ANKRD11: variants seen among roughly 807,000 people sequenced by gnomAD.
ANKRD11 encodes the protein ankyrin repeat domain 11.
ANKRD11 carries 17 observed loss-of-function variants against 195.7 expected under a neutral mutation model. That is an observed-to-expected ratio of 0.09 (90% CI 0.06 to 0.13). ANKRD11 has a LOEUF of 0.13. Ranked by LOEUF, ANKRD11 falls within the 10% of genes least tolerant of loss-of-function variation. The pLI is 1.00. For missense variants in ANKRD11, 3,735 were observed against 3,566.1 expected, an observed-to-expected ratio of 1.05 and a Z score of -1.21; for synonymous variants, 1,953 against 1,528.1, an observed-to-expected ratio of 1.28 and a Z score of -6.49.
At chr16:89,430,537 G>C (rs1366697975) in intron 1 of ANKRD11, among the ~76,000 whole-genome samples, 3 of 151,810 alleles carry the variant, frequency 2.0e-5, no homozygotes, top group South Asian at 2.1e-4. Flanking sequence ...CTCACGCTCA[G>C]ACGTTCTAGT....
intron 4 of ANKRD11, chr16:89,301,329 T>C (rs1487445004): frequency 7.8e-6 from 3 of 386,684 alleles, no homozygotes; most frequent in Non-Finnish European, 1.4e-5. Flanking sequence ...AGTAGTATCA[T>C]TTGAAGCAAA....
intron 2 of ANKRD11, among the ~76,000 whole-genome samples, chr16:89,383,170 G>A (rs1474187753): frequency 6.6e-6 from 1 of 152,350 alleles, no homozygotes; most frequent in Non-Finnish European, 1.5e-5. Context: ...CTGTGCTGCT[G>A]AGTAAAGGGA....
chr16:89,388,638 G>A (rs1385581723), intron 2 of ANKRD11, among the ~76,000 whole-genome samples: 2 of 152,182 alleles, frequency 1.3e-5, no homozygotes, highest in African/African-American at 4.8e-5. Flanking sequence ...GCTGAAGGAG[G>A]CTGCATAGAG....
chr16:89,452,362 G>C (rs1013525148), intron 1 of ANKRD11, among the ~76,000 whole-genome samples: 5 of 152,170 alleles, frequency 3.3e-5, no homozygotes, highest in Admixed American at 3.3e-4. Context: ...GGGCAAGGTA[G>C]GGAGGACCAA....
chr16:89,353,753 T>TA (rs1162544423), intron 2 of ANKRD11, among the ~76,000 whole-genome samples: 1 of 152,160 alleles, frequency 6.6e-6, no homozygotes, highest in Non-Finnish European at 1.5e-5. Flanking sequence ...GTGCTGGGAT[T>TA]ACAGGCGTGA....
intron 1 of ANKRD11, among the ~76,000 whole-genome samples, chr16:89,470,067 G>T (rs948033736): frequency 2.0e-5 from 3 of 150,942 alleles, no homozygotes; most frequent in Non-Finnish European, 4.4e-5. Flanking sequence ...CACCACGCCC[G>T]GCTAATTTTT....
At chr16:89,277,018 T>G (rs1230691929) in intron 9 of ANKRD11, among the ~76,000 whole-genome samples, 1 of 149,210 alleles carries the variant, frequency 6.7e-6, no homozygotes, top group Non-Finnish European at 1.5e-5. Context: ...ATCACGCCAC[T>G]GCACTCCAGC....
At position 89,430,120 on chromosome 16, in the gene ANKRD11, G is replaced by A. The variant is rs567028129; in HGVS notation, c.-144-11752C>T. ...GGACTCTCAACTCTCACGCTCAGAC[G>A]TTCTAGTACACAGCAGGGACTCTCA... On this transcript the variant is annotated intron_variant, in intron 1 of 12. Transcript: ENST00000301030. Among the ~76,000 whole-genome samples the A allele has an allele frequency of 5.4e-3, 640 of 117,518 alleles. 1 individual carries two copies. Among genetic ancestry groups the A allele is most frequent in the African/African-American group, 0.021 (595 of 28,120 alleles). 77.1% of individuals were successfully genotyped at this position (117,518 alleles called of 152,430 possible).
intron 2 of ANKRD11, among the ~76,000 whole-genome samples, chr16:89,391,466 C>A (rs866161003): frequency 9.2e-5 from 14 of 152,210 alleles, no homozygotes; most frequent in Non-Finnish European, 1.8e-4. Context: ...ACAGAACTGA[C>A]TGCCTCCCTG....
At chr16:89,286,435 C>A (rs2034651460) in intron 7 of ANKRD11, 2 of 618,668 alleles carry the variant, frequency 3.2e-6, no homozygotes, top group Non-Finnish European at 5.4e-6. Context: ...CCTGTGCTCT[C>A]CTTCAGAAGG....
intron 2 of ANKRD11, among the ~76,000 whole-genome samples, chr16:89,356,110 C>T (rs1343026102): frequency 6.6e-6 from 1 of 152,186 alleles, no homozygotes; most frequent in Non-Finnish European, 1.5e-5. Flanking sequence ...TCTGGAAAAC[C>T]TTAGTTACTA....
In ANKRD11 at chr16:89,282,261, C is replaced by A. The variant is rs1421678693; in HGVS notation, c.4281G>T (p.Lys1427Asn). 6.2e-7 allele frequency: 1 copy of A among 1,613,890 alleles called. No homozygotes were observed. Among genetic ancestry groups the A allele is most frequent in the Non-Finnish European group, 8.5e-7 (1 of 1,179,984 alleles). The change falls in exon 9 of 13, where the codon AAG becomes AAT. Residue 1427 changes from lysine to asparagine, a missense_variant. Coordinates refer to ENST00000301030, the MANE Select transcript of ANKRD11 (RefSeq NM_013275.6). Reference protein sequence around the residue: ...DKTIELFSTEKKDKNDSEREP... With the variant: ...DKTIELFSTENKDKNDSEREP... ...CTCTCTCGGAATCATTTTTATCTTT[C>A]TTTTCGGTAGAAAACAATTCAATGG...
chr16:89,354,891 A>G (rs948276111), intron 2 of ANKRD11, among the ~76,000 whole-genome samples: 2 of 152,104 alleles, frequency 1.3e-5, no homozygotes, highest in Admixed American at 6.5e-5. Flanking sequence ...TCTCAAACAA[A>G]CAAAGGCTGT....
chr16:89,291,258 A>C lies in ANKRD11; in HGVS notation c.227-75T>G, dbSNP rs958548133. 2.3e-5 allele frequency: 36 copies of C among 1,567,120 alleles called. No homozygotes were observed. The Middle Eastern group carries it at 1.2e-3, about 51-fold the overall frequency. Reference sequence around the variant, plus strand: ...TCCTCCAAAGCTAGGTCCTTACCTAATGTTACGGAGCCCCCTGCGTCCACC... The same window carrying C: ...TCCTCCAAAGCTAGGTCCTTACCTACTGTTACGGAGCCCCCTGCGTCCACC... On this transcript the variant is annotated intron_variant, in intron 4 of 12. Transcript: ENST00000301030. This position sits in a 1 kb window ranked among gnomAD's most constrained non-coding sequence, Gnocchi z 5.3.
At position 89,268,583 on chromosome 16, in the gene ANKRD11, C is replaced by T. The variant is rs781067471; in HGVS notation, c.7887G>A (p.Gln2629=). Residue 2629 remains glutamine, a synonymous_variant, in exon 13 of 13, where the codon CAG becomes CAA. Transcript: ENST00000301030. ...ACTTGTGCCCGGCGGGGTCCAGTTC[C>T]TGCACCTTCAGCTGCCACTCCATCC... ...VQRMEWQLKV[Q]ELDPAGHKSL... is the part of the protein sequence containing the mutation. 53 of 1,547,564 alleles carry T rather than the reference C, an allele frequency of 3.4e-5. No individual in the cohort carries two copies. The South Asian group carries it at 6.0e-4, about 17-fold the overall frequency.
At chr16:89,454,654 C>G in intron 1 of ANKRD11, among the ~76,000 whole-genome samples, 1 of 141,208 alleles carries the variant, frequency 7.1e-6, no homozygotes, top group African/African-American at 2.6e-5. Context: ...CTGGGTGCTT[C>G]CAGGGTTCCT....
intron 2 of ANKRD11, among the ~76,000 whole-genome samples, chr16:89,393,481 A>G (rs1304138850): frequency 1.2e-4 from 17 of 136,854 alleles, no homozygotes; most frequent in Admixed American, 1.2e-3. Context: ...GTGCCACCAT[A>G]TCCAGCTGCT....
intron 1 of ANKRD11, among the ~76,000 whole-genome samples, chr16:89,443,127 G>A (rs2043603373): frequency 6.6e-6 from 1 of 152,004 alleles, no homozygotes; most frequent in Non-Finnish European, 1.5e-5. Flanking sequence ...GTGTAGCTCG[G>A]ATTACAGGCA....
intron 2 of ANKRD11, among the ~76,000 whole-genome samples, chr16:89,363,952 T>G (rs889599807): frequency 6.6e-6 from 1 of 151,932 alleles, no homozygotes; most frequent in Non-Finnish European, 1.5e-5. Context: ...TCCCAGCAAC[T>G]CAGGAGCCTG....
Sources: allele counts gnomAD v4.1 joint callset (sites outside exome capture counted in the v4.1 genomes callset), GRCh38; gene constraint gnomAD v4.1.1; non-coding constraint Gnocchi (gnomAD v3.1); transcripts MANE v1.5; gene names NCBI Gene and HGNC (gene_info 2026-07-23, HGNC 2026-07-21).